Variants in RSPRY1 observed in about 807,000 individuals in gnomAD.
The protein encoded by RSPRY1 is RING finger and SPRY domain-containing protein 1.
RSPRY1 carries 23 observed loss-of-function variants against 73.1 expected under a neutral mutation model. That is an observed-to-expected ratio of 0.31 (90% CI 0.23 to 0.45). The LOEUF (loss-of-function observed/expected upper bound fraction) is 0.45. RSPRY1 is among the 20% of genes least tolerant of loss of function. The pLI is 1.00. For missense variants in RSPRY1, 448 were observed against 698.7 expected (o/e 0.64, Z 4.05); for synonymous variants, 226 against 251.4 (o/e 0.90, Z 0.95).
intron 1 of RSPRY1, among the ~76,000 whole-genome samples, chr16:57,198,879 C>G (rs1433263510): frequency 6.6e-6 from 1 of 152,196 alleles, no homozygotes; most frequent in Non-Finnish European, 1.5e-5. Flanking sequence ...AATGTTGACA[C>G]CACAGATCAT....
intron 11 of RSPRY1, among the ~76,000 whole-genome samples, chr16:57,228,397 T>C (rs1371090035): frequency 3.3e-5 from 5 of 152,006 alleles, no homozygotes; most frequent in Non-Finnish European, 1.5e-5. Context: ...CTCATTTTAA[T>C]GGCTTGCAGG....
At chr16:57,238,452 A>G (rs1373920779) in intron 14 of RSPRY1, among the ~76,000 whole-genome samples, 1 of 152,242 alleles carries the variant, frequency 6.6e-6, no homozygotes, top group African/African-American at 2.4e-5. Context: ...AGAATAATGG[A>G]ATACAATAAA....
At chr16:57,199,900 TTTTTTTC>T (rs2074532442) in intron 1 of RSPRY1, among the ~76,000 whole-genome samples, 1 of 150,648 alleles carries the variant, frequency 6.6e-6, no homozygotes, top group Non-Finnish European at 1.5e-5. Flanking sequence ...TGTTTGTTTT[TTTTTTTC>T]TTTTTCTTTT....
At position 57,204,506 on chromosome 16, in the gene RSPRY1, C is replaced by T; in HGVS notation, c.-153C>T. ...TCCTTTTTCTCATTTTCTTTTAGAACTGCCATTGGATGTCCAGAATCCCCT... is the reference window on the plus strand; with the variant it reads ...TCCTTTTTCTCATTTTCTTTTAGAATTGCCATTGGATGTCCAGAATCCCCT... On this transcript the variant is annotated splice_region_variant and 5_prime_UTR_variant, in exon 2 of 15. Coordinates refer to ENST00000394420, the MANE Select transcript of RSPRY1 (RefSeq NM_133368.3). 1 of 657,882 alleles carries T rather than the reference C, an allele frequency of 1.5e-6. No homozygotes were observed. The highest frequency in any genetic ancestry group is 2.6e-6 in the Non-Finnish European group (1 of 378,318). The allele number at this position is 657,882 out of a possible 1,614,324, so 40.8% of individuals were successfully genotyped here.
At chr16:57,195,420 G>A (rs1319322403) in intron 1 of RSPRY1, among the ~76,000 whole-genome samples, 2 of 152,174 alleles carry the variant, frequency 1.3e-5, no homozygotes, top group African/African-American at 4.8e-5. Flanking sequence ...GCCGAGGCAG[G>A]AGAATCGCCT....
At chr16:57,229,299 C>T (rs1160760980) in intron 11 of RSPRY1, among the ~76,000 whole-genome samples, 1 of 152,128 alleles carries the variant, frequency 6.6e-6, no homozygotes, top group Non-Finnish European at 1.5e-5. Context: ...TTGTTTATCT[C>T]ATCTTTCAAA....
chr16:57,201,383 C>G (rs1402589396), intron 1 of RSPRY1, among the ~76,000 whole-genome samples: 3 of 151,330 alleles, frequency 2.0e-5, no homozygotes, highest in Non-Finnish European at 4.4e-5. Context: ...GAGGCACTCC[C>G]CACATCTCAG....
chr16:57,229,603 A>C (rs1156767577), intron 11 of RSPRY1, among the ~76,000 whole-genome samples: 2 of 150,338 alleles, frequency 1.3e-5, no homozygotes, highest in African/African-American at 4.9e-5. Context: ...TGGGTAATGG[A>C]GCAAGACCCT....
intron 8 of RSPRY1, among the ~76,000 whole-genome samples, chr16:57,217,244 G>C (rs139743960): frequency 5.3e-4 from 80 of 152,242 alleles, no homozygotes; most frequent in African/African-American, 1.8e-3. Context: ...GCATTTTCCT[G>C]TTCAAAAACC....
chr16:57,220,988 C>G (rs778045102), intron 9 of RSPRY1, 141 bp downstream of exon 9: 23 of 685,504 alleles, frequency 3.4e-5, no homozygotes, highest in Non-Finnish European at 5.0e-5. Flanking sequence ...GGGGAAGTCT[C>G]AAAGAGCTGC....
chr16:57,195,507 C>T (rs767667675), intron 1 of RSPRY1, among the ~76,000 whole-genome samples: 10 of 151,838 alleles, frequency 6.6e-5, no homozygotes, highest in Admixed American at 3.9e-4. Context: ...AGTGGAACTC[C>T]GTCTGAAAAA....
chr16:57,200,644 G>A (rs2074558265), intron 1 of RSPRY1, among the ~76,000 whole-genome samples: 1 of 142,160 alleles, frequency 7.0e-6, no homozygotes. Flanking sequence ...CGGACGGGGC[G>A]GCTGGCCGGG....
chr16:57,208,054 C>A lies in RSPRY1; in HGVS notation c.351-4C>A. ...GGTTTAATGCCTTGAATTTTTTTTT[C>A]CAGTGATCAGGAACCTCCCTATTCA... On this transcript the variant is annotated splice_region_variant and splice_polypyrimidine_tract_variant and intron_variant, in intron 2 of 14. Transcript: ENST00000394420. 1.3e-6 allele frequency: 2 copies of A among 1,561,680 alleles called. No homozygotes were observed. Among genetic ancestry groups the A allele is most frequent in the Non-Finnish European group, 8.7e-7 (1 of 1,149,326 alleles).
rs756491674 is a variant in RSPRY1 at position 57,212,952 on chromosome 16, C to T, written c.517-20C>T. On this transcript the variant is annotated intron_variant, in intron 4 of 14. Coordinates refer to ENST00000394420, the MANE Select transcript of RSPRY1 (RefSeq NM_133368.3). Reference sequence around the variant, plus strand: ...CTGTGTAGTATATGGGTCAAACCCACTTGTACTTTTTTGTTTTAGGATGCA... The same window carrying T: ...CTGTGTAGTATATGGGTCAAACCCATTTGTACTTTTTTGTTTTAGGATGCA... The T allele has an allele frequency of 7.4e-6, 12 of 1,612,196 alleles. No individual in the cohort carries two copies. The highest frequency in any genetic ancestry group is 3.3e-5 in the Admixed American group (2 of 59,846).
intron 1 of RSPRY1, among the ~76,000 whole-genome samples, chr16:57,199,913 C>CTTTTTTTTT (rs1315067392): frequency 1.4e-5 from 1 of 72,188 alleles, no homozygotes; most frequent in Non-Finnish European, 2.9e-5. Flanking sequence ...TTTTCTTTTT[C>CTTTTTTTTT]TTTTTTTTTT....
chr16:57,202,392 G>A (rs2074635158), intron 1 of RSPRY1, among the ~76,000 whole-genome samples: 1 of 152,106 alleles, frequency 6.6e-6, no homozygotes, highest in African/African-American at 2.4e-5. Context: ...TCAGAAACCA[G>A]CATAATTTAT....
chr16:57,232,943 A>G (rs948341294), intron 13 of RSPRY1, among the ~76,000 whole-genome samples: 18 of 152,128 alleles, frequency 1.2e-4, no homozygotes, highest in African/African-American at 4.3e-4. Context: ...CTTAGTGCCA[A>G]CCTCCTTCTT....
intron 14 of RSPRY1, among the ~76,000 whole-genome samples, chr16:57,236,077 C>A (rs12597799): frequency 0.034 from 5,141 of 152,334 alleles, 281 homozygotes; most frequent in East Asian, 0.23. Flanking sequence ...TGTGATTAAT[C>A]CTCCCTATTA....
At chr16:57,216,245 T>A in intron 7 of RSPRY1, 72 bp downstream of exon 7, 1 of 1,107,042 alleles carries the variant, frequency 9.0e-7, no homozygotes, top group Non-Finnish European at 1.4e-6. Flanking sequence ...TCTTAGTTAC[T>A]GGATAAGCCT....
Sources: allele counts gnomAD v4.1 joint callset (sites outside exome capture counted in the v4.1 genomes callset), GRCh38; gene constraint gnomAD v4.1.1; transcripts MANE v1.5; gene names NCBI Gene and HGNC (gene_info 2026-07-23, HGNC 2026-07-21).